Variants in NELL2 observed in about 807,000 individuals in gnomAD.
NELL2 encodes neural EGFL like 2, also known as protein kinase C-binding protein NELL2.
In NELL2, 41 loss-of-function variants were observed where a neutral mutation model predicts 109.6. The ratio of observed to expected loss-of-function variants is 0.37; its 90% confidence interval spans 0.29 to 0.49. NELL2 has a LOEUF of 0.49. Among genes scored for constraint, NELL2 ranks in the 20% least tolerant of loss-of-function variants. The probability of loss-of-function intolerance (pLI) is 0.98; values close to 1 mark genes in which losing one functional copy is unlikely to be tolerated. For missense variants in NELL2, 900 were observed against 1,008.3 expected (o/e 0.89, Z 1.45); for synonymous variants, 355 against 344.7 (o/e 1.03, Z -0.33).
intron 2 of NELL2, among the ~76,000 whole-genome samples, chr12:44,857,334 G>T (rs1944712174): frequency 6.6e-6 from 1 of 152,112 alleles, no homozygotes; most frequent in South Asian, 2.1e-4. Context: ...ATCGAAATCA[G>T]CACAAGGACT....
intron 19 of NELL2, 82 bp from the exon 20 acceptor site, chr12:44,509,066 A>G: frequency 1.3e-5 from 15 of 1,124,706 alleles, no homozygotes; most frequent in Non-Finnish European, 2.0e-5. Flanking sequence ...ATTGGTACTT[A>G]CAAACAAAAC....
chr12:44,621,771 T>C (rs1946070496), intron 13 of NELL2, among the ~76,000 whole-genome samples: 1 of 151,928 alleles, frequency 6.6e-6, no homozygotes, highest in Non-Finnish European at 1.5e-5. Context: ...GAAAATAAAG[T>C]AAATAAACAT....
intron 15 of NELL2, among the ~76,000 whole-genome samples, chr12:44,597,276 A>T (rs988228655): frequency 2.6e-5 from 4 of 152,086 alleles, no homozygotes; most frequent in South Asian, 2.1e-4. Context: ...CTTATTTTTT[A>T]AAAAAATATT....
intron 9 of NELL2, among the ~76,000 whole-genome samples, chr12:44,718,237 C>T (rs1429010470): frequency 1.3e-5 from 2 of 152,074 alleles, no homozygotes; most frequent in Non-Finnish European, 2.9e-5. Context: ...TTAACCAAGG[C>T]GAACCCATGC....
intron 14 of NELL2, among the ~76,000 whole-genome samples, chr12:44,609,827 AGACACG>A (rs1317323650): frequency 6.6e-6 from 1 of 152,036 alleles, no homozygotes; most frequent in African/African-American, 2.4e-5. Context: ...TACCTCACAC[AGACACG>A]GTATCATAGC....
Position 44,514,154 on chromosome 12 carries a change from A to G in NELL2, c.2401-5170T>C, listed in dbSNP as rs1025499308. 3.9e-5 allele frequency among the ~76,000 whole-genome samples: 6 copies of G among 151,954 alleles called. No homozygotes were observed. In the East Asian group the frequency reaches 9.6e-4, roughly 24 times the overall value. Reference sequence around the variant, plus strand: ...TAAAGTTCTGGAAACAAATCTGTCAATCCTGAATTCTATGTCCAGTGAAAA... The same window carrying G: ...TAAAGTTCTGGAAACAAATCTGTCAGTCCTGAATTCTATGTCCAGTGAAAA... On this transcript the variant is annotated intron_variant, in intron 19 of 19. Transcript: ENST00000429094.
In NELL2 at chr12:44,692,383, C is replaced by A. The variant is rs547413712; in HGVS notation, c.1318+11343G>T. ...CTTTCAAATTATTGTGGCCCATTGA[C>A]AATGTACTTAGTCACCCAAGAGCTC... is the stretch of plus-strand genomic sequence containing the variant. On this transcript the variant is annotated intron_variant, in intron 12 of 19. Coordinates refer to ENST00000429094, the MANE Select transcript of NELL2 (RefSeq NM_001145108.2). 1.1e-4 allele frequency among the ~76,000 whole-genome samples: 16 copies of A among 152,246 alleles called. 1 individual carries two copies. Among genetic ancestry groups the A allele is most frequent in the African/African-American group, 3.1e-4 (13 of 41,546 alleles).
chr12:44,687,995 C>G (rs1450556), intron 12 of NELL2, among the ~76,000 whole-genome samples: 1 of 152,032 alleles, frequency 6.6e-6, no homozygotes, highest in African/African-American at 2.4e-5. Flanking sequence ...TAAGCAATTT[C>G]TCTCTAATAT....
intron 3 of NELL2, among the ~76,000 whole-genome samples, chr12:44,809,662 C>T (rs957092285): frequency 2.0e-5 from 3 of 152,066 alleles, no homozygotes; most frequent in African/African-American, 7.2e-5. Context: ...TTGTTCATGG[C>T]ACACCAGGGC....
intron 3 of NELL2, among the ~76,000 whole-genome samples, chr12:44,807,121 T>C (rs551205114): frequency 7.3e-5 from 11 of 151,264 alleles, no homozygotes; most frequent in Non-Finnish European, 1.3e-4. Context: ...TTAAGTGAAA[T>C]AACAACCAAA....
intron 3 of NELL2, among the ~76,000 whole-genome samples, chr12:44,803,966 G>C (rs1942918386): frequency 6.6e-6 from 1 of 151,932 alleles, no homozygotes; most frequent in African/African-American, 2.4e-5. Flanking sequence ...AAGTTTAAGT[G>C]TGTAAGTATA....
At chr12:44,705,507 A>C (rs1937824079) in intron 11 of NELL2, among the ~76,000 whole-genome samples, 1 of 152,158 alleles carries the variant, frequency 6.6e-6, no homozygotes, top group Non-Finnish European at 1.5e-5. Context: ...AGAAGAGCAA[A>C]AGTTAAAAAT....
At chr12:44,513,887 G>C (rs1160759081) in intron 19 of NELL2, among the ~76,000 whole-genome samples, 1 of 150,826 alleles carries the variant, frequency 6.6e-6, no homozygotes, top group Non-Finnish European at 1.5e-5. Flanking sequence ...CTTTTCTCAA[G>C]TTTGGTGAAA....
intron 13 of NELL2, among the ~76,000 whole-genome samples, chr12:44,643,980 T>C (rs977969683): frequency 6.6e-6 from 1 of 152,086 alleles, no homozygotes; most frequent in Non-Finnish European, 1.5e-5. Context: ...ACCTATCTAA[T>C]CAGATAGATG....
At chr12:44,864,386 C>T (rs1005349173) in intron 2 of NELL2, among the ~76,000 whole-genome samples, 53 of 151,978 alleles carry the variant, frequency 3.5e-4, no homozygotes, top group African/African-American at 1.3e-3. Context: ...AAAAAAATTC[C>T]ATGGAAATGG....
intron 15 of NELL2, among the ~76,000 whole-genome samples, chr12:44,565,548 C>G (rs1373287272): frequency 6.6e-6 from 1 of 152,074 alleles, no homozygotes; most frequent in Non-Finnish European, 1.5e-5. Flanking sequence ...AGAGGGAGAG[C>G]ACTTTTAGAT....
chr12:44,593,310 T>A (rs1264720557), intron 15 of NELL2, among the ~76,000 whole-genome samples: 3 of 152,102 alleles, frequency 2.0e-5, no homozygotes, highest in Non-Finnish European at 4.4e-5. Context: ...AACTTCCACA[T>A]TTAGGAGATA....
At chr12:44,738,128 G>A (rs1939749526) in intron 9 of NELL2, among the ~76,000 whole-genome samples, 1 of 152,046 alleles carries the variant, frequency 6.6e-6, no homozygotes. Flanking sequence ...TCTCTAACAC[G>A]GCACTCAGCC....
At position 44,620,955 on chromosome 12, in the gene NELL2, C is replaced by A. The variant is rs530851698; in HGVS notation, c.1445-9985G>T. 3.3e-5 allele frequency among the ~76,000 whole-genome samples: 5 copies of A among 152,272 alleles called. No individual in the cohort carries two copies. The East Asian group carries it at 7.7e-4, about 24-fold the overall frequency. On this transcript the variant is annotated intron_variant, in intron 13 of 19. Transcript: ENST00000429094. ...CCAATCCTCCCCATTCTCTCTTCCTCTCTCTTAATTTTGCTATTGGTGGCA... is the reference window on the plus strand; with the variant it reads ...CCAATCCTCCCCATTCTCTCTTCCTATCTCTTAATTTTGCTATTGGTGGCA...
Sources: allele counts gnomAD v4.1 joint callset (sites outside exome capture counted in the v4.1 genomes callset), GRCh38; gene constraint gnomAD v4.1.1; transcripts MANE v1.5; gene names NCBI Gene and HGNC (gene_info 2026-07-23, HGNC 2026-07-21).